Variants in HUWE1 observed in about 807,000 individuals in gnomAD.
HUWE1 encodes E3 ubiquitin-protein ligase HUWE1.
In HUWE1, 18 loss-of-function variants were observed where a neutral mutation model predicts 299.4. The ratio of observed to expected loss-of-function variants is 0.06; its 90% confidence interval spans 0.04 to 0.09. HUWE1 has a LOEUF of 0.09. Ranked by LOEUF, HUWE1 falls within the 10% of genes least tolerant of loss-of-function variation. The pLI, the probability that HUWE1 is intolerant of heterozygous loss-of-function variation, is 1.00. For missense variants in HUWE1, 1,832 were observed against 3,462.3 expected, an observed-to-expected ratio of 0.53 and a Z score of 11.82; for synonymous variants, 1,317 against 1,286.1, an observed-to-expected ratio of 1.02 and a Z score of -0.51.
chrX:53,632,291 C>T (rs2066925972), intron 9 of HUWE1, among the ~76,000 whole-genome samples, 196 bp downstream of exon 9: 1 of 111,732 alleles, frequency 8.9e-6, no homozygotes, highest in African/African-American at 3.3e-5. Flanking sequence ...TTGGCAGCTC[C>T]CAACATAAGA....
At chrX:53,679,096 A>C (rs1557052105) in intron 3 of HUWE1, among the ~76,000 whole-genome samples, 2 of 111,566 alleles carry the variant, frequency 1.8e-5, no homozygotes, top group African/African-American at 6.5e-5. Flanking sequence ...GTTAGACACC[A>C]CTACTGGGCT....
chrX:53,592,898 C>T (rs2064238972), intron 32 of HUWE1, among the ~76,000 whole-genome samples: 1 of 111,357 alleles, frequency 9.0e-6, no homozygotes, highest in African/African-American at 3.3e-5. Context: ...GGGTGGATCC[C>T]TCATTGTTTA....
chrX:53,538,190 GCTACAGCTGT>G lies in HUWE1; in HGVS notation c.11996+137_11996+146del. ...GTATTTAGGTATGATGGCCATCAAT[GCTACAGCTGT>G]CTCTTCCCTCCTCACCACCACCATT... On this transcript the variant is annotated intron_variant, in intron 77 of 83. Coordinates refer to ENST00000262854, the MANE Select transcript of HUWE1 (RefSeq NM_031407.7). 9 of 509,702 alleles carry G rather than the reference GCTACAGCTGT, an allele frequency of 1.8e-5. No individual in the cohort carries two copies. The South Asian group carries it at 1.8e-4, about 10-fold the overall frequency. 42.0% of individuals were successfully genotyped at this position (509,702 alleles called of 1,213,427 possible).
intron 31 of HUWE1, 121 bp downstream of exon 31, chrX:53,594,378 T>C (rs2064337634): frequency 1.3e-6 from 1 of 762,249 alleles, no homozygotes; most frequent in Non-Finnish European, 2.0e-6. Context: ...ATACAACCAA[T>C]AGCTATTTCT....
At chrX:53,607,335 C>CT (rs1417331802) in intron 25 of HUWE1, among the ~76,000 whole-genome samples, 188 bp downstream of exon 25, 2 of 112,232 alleles carry the variant, frequency 1.8e-5, no homozygotes, top group African/African-American at 3.2e-5. Context: ...AGAAAAAATA[C>CT]TTTGACTTTT....
intron 50 of HUWE1, 148 bp from the exon 51 acceptor site, chrX:53,564,870 A>T: frequency 1.1e-6 from 1 of 870,037 alleles, no homozygotes; most frequent in Non-Finnish European, 1.7e-6. Context: ...GGAAAAGACA[A>T]GGCTACGTGT....
chrX:53,553,636 C>A (rs988912315), intron 61 of HUWE1, among the ~76,000 whole-genome samples: 7 of 106,633 alleles, frequency 6.6e-5, no homozygotes, highest in African/African-American at 2.0e-4. Context: ...ATGGCAAAAC[C>A]TCATCTTTAC....
At chrX:53,643,132 CTA>C (rs782737084) in intron 7 of HUWE1, among the ~76,000 whole-genome samples, 1 of 111,972 alleles carries the variant, frequency 8.9e-6, no homozygotes, top group East Asian at 2.8e-4. Context: ...TAGCCTGGAG[CTA>C]TGTGTTTTTT....
chrX:53,615,722 T>TCA (rs1478251134), intron 22 of HUWE1, 22 bp downstream of exon 22: 1 of 1,152,147 alleles, frequency 8.7e-7, no homozygotes, highest in Non-Finnish European at 1.2e-6. Flanking sequence ...ATGCTCATGG[T>TCA]CACATCCTTA....
intron 74 of HUWE1, among the ~76,000 whole-genome samples, chrX:53,540,331 CT>C (rs112801686): frequency 1.4e-3 from 139 of 102,615 alleles, no homozygotes; most frequent in Middle Eastern, 5.0e-3. Context: ...AGTCTAATGC[CT>C]TTTTTTTTTT....
intron 14 of HUWE1, 60 bp downstream of exon 14, chrX:53,628,692 A>C: frequency 8.3e-7 from 1 of 1,207,508 alleles, no homozygotes; most frequent in Non-Finnish European, 1.1e-6. Context: ...GGATATTAAA[A>C]AGACAAAGGC....
Position 53,655,003 on chromosome X carries a change from C to CATGTAA in HUWE1, c.-24-878_-24-873dup. Among the ~76,000 whole-genome samples the CATGTAA allele has an allele frequency of 3.6e-5, 4 of 111,069 alleles. 1 individual carries two copies. In the Admixed American group the frequency reaches 3.8e-4, roughly 11 times the overall value. The stretch of plus-strand genomic sequence containing the variant: ...ACAGAAAACAATCATTTTATTAAGC[C>CATGTAA]ATGTAATTTGGAAGGCTCAAAAGCA... On this transcript the variant is annotated intron_variant, in intron 3 of 83. Transcript: ENST00000262854.
intron 55 of HUWE1, 46 bp from the exon 56 acceptor site, chrX:53,560,462 T>G: frequency 2.4e-5 from 25 of 1,057,556 alleles, no homozygotes; most frequent in Non-Finnish European, 3.0e-5. Flanking sequence ...AAGAAATTTC[T>G]TCCATGTTTG....
At chrX:53,642,257 A>G (rs1644875883) in intron 7 of HUWE1, among the ~76,000 whole-genome samples, 1 of 111,753 alleles carries the variant, frequency 8.9e-6, no homozygotes, top group Non-Finnish European at 1.9e-5. Context: ...GATGTCTGTT[A>G]ATTTTTCTTT....
intron 3 of HUWE1, among the ~76,000 whole-genome samples, chrX:53,665,420 G>T (rs1409770740): frequency 2.7e-5 from 3 of 112,311 alleles, no homozygotes; most frequent in Non-Finnish European, 3.8e-5. Flanking sequence ...CTGCACTGCA[G>T]TTATGCTTAA....
chrX:53,535,993 G>T, intron 80 of HUWE1, 154 bp downstream of exon 80: 3 of 279,426 alleles, frequency 1.1e-5, no homozygotes, highest in Non-Finnish European at 1.4e-5. Context: ...TTTCCTGTTT[G>T]TGATGTCACT....
intron 3 of HUWE1, among the ~76,000 whole-genome samples, chrX:53,662,309 C>T (rs2069045048): frequency 8.9e-6 from 1 of 111,822 alleles, no homozygotes; most frequent in Non-Finnish European, 1.9e-5. Flanking sequence ...CAGACAAATC[C>T]ACCTCTCTAT....
At chrX:53,557,741 G>A (rs1556936538) in intron 59 of HUWE1, among the ~76,000 whole-genome samples, 1 of 111,931 alleles carries the variant, frequency 8.9e-6, no homozygotes, top group Non-Finnish European at 1.9e-5. Flanking sequence ...TTTCATCTAT[G>A]TATTTTTTCC....
chrX:53,583,501 A>G, intron 42 of HUWE1, 57 bp downstream of exon 42: 1 of 829,614 alleles, frequency 1.2e-6, no homozygotes, highest in African/African-American at 2.0e-5. Flanking sequence ...TCTCAGACCA[A>G]GGAGAACATA....
Sources: gnomAD v4.1 joint callset for allele counts (sites outside exome capture counted in the v4.1 genomes callset) on GRCh38, gnomAD v4.1.1 for gene constraint, MANE v1.5 for transcripts, NCBI Gene and HGNC (gene_info 2026-07-23, HGNC 2026-07-21) for gene names.